CYTH1: variants seen among roughly 807,000 people sequenced by gnomAD.
CYTH1 encodes the protein cytohesin 1, also known as cytohesin-1.
CYTH1 carries 18 observed loss-of-function variants against 61.8 expected under a neutral mutation model. The observed-to-expected ratio is 0.29, with a 90% confidence interval of 0.20 to 0.43. CYTH1 has a LOEUF of 0.43. Among genes scored for constraint, CYTH1 ranks in the 20% least tolerant of loss-of-function variants. The probability of loss-of-function intolerance (pLI) is 1.00; values close to 1 mark genes in which losing one functional copy is unlikely to be tolerated. For missense variants in CYTH1, 336 were observed against 510.5 expected (o/e 0.66, Z 3.29); for synonymous variants, 174 against 184.3 (o/e 0.94, Z 0.45).
At chr17:78,764,622 A>G (rs2093441177) in intron 1 of CYTH1, among the ~76,000 whole-genome samples, 1 of 152,212 alleles carries the variant, frequency 6.6e-6, no homozygotes. Context: ...AAATAATGGA[A>G]GAATGAAATT....
intron 1 of CYTH1, among the ~76,000 whole-genome samples, chr17:78,711,179 G>A (rs1267921716): frequency 3.3e-5 from 5 of 151,456 alleles, no homozygotes; most frequent in South Asian, 2.1e-4. Flanking sequence ...GGAGAATGGC[G>A]TAAACCCGGG....
chr17:78,674,805 AGAGAAC>A lies in CYTH1; in HGVS notation c.*1280_*1285del, dbSNP rs2092680249. 2.0e-5 allele frequency: 3 copies of A among 152,370 alleles called. No homozygotes were observed. Among genetic ancestry groups the A allele is most frequent in the Non-Finnish European group, 4.4e-5 (3 of 68,190 alleles). The allele number at this position is 152,370 out of a possible 1,614,324, so 9.4% of individuals were successfully genotyped here. A position where few individuals can be genotyped will look rare whatever the true frequency, so the allele number is the denominator to read the frequency against. Reference sequence around the variant, plus strand: ...GCAGGAGCTGCCCTGAGAGTCCCTGAGAGAACGGCAGGAAAATGCTGCGTGTCACGG... The same window carrying A: ...GCAGGAGCTGCCCTGAGAGTCCCTGAGGCAGGAAAATGCTGCGTGTCACGG... On this transcript the variant is annotated 3_prime_UTR_variant, in exon 14 of 14. Coordinates refer to ENST00000446868, the MANE Select transcript of CYTH1 (RefSeq NM_004762.6).
Position 78,760,581 on chromosome 17 carries a change from A to G in CYTH1, c.22+21621T>C, listed in dbSNP as rs895378439. On this transcript the variant is annotated intron_variant, in intron 1 of 13. Coordinates refer to ENST00000446868, the MANE Select transcript of CYTH1 (RefSeq NM_004762.6). ...TGTATATATATATACACATACATAT[A>G]TATGTATATATATGTATATATATAG... 5.1e-4 allele frequency among the ~76,000 whole-genome samples: 14 copies of G among 27,192 alleles called. 2 individuals carry two copies. Among genetic ancestry groups the G allele is most frequent in the African/African-American group, 1.2e-3 (11 of 9,062 alleles). 17.8% of individuals were successfully genotyped at this position (27,192 alleles called of 152,430 possible). A position where few individuals can be genotyped will look rare whatever the true frequency, so the allele number is the denominator to read the frequency against.
intron 1 of CYTH1, among the ~76,000 whole-genome samples, chr17:78,755,662 A>C (rs2093397775): frequency 6.6e-6 from 1 of 152,050 alleles, no homozygotes; most frequent in African/African-American, 2.4e-5. Flanking sequence ...AAGGACATGA[A>C]GCGGCGGCCA....
chr17:78,678,105 C>T (rs2092720005), intron 13 of CYTH1: 1 of 152,364 alleles, frequency 6.6e-6, no homozygotes, highest in South Asian at 2.1e-4. Flanking sequence ...CCAGCCCGCT[C>T]CGGGACAGAG....
At chr17:78,698,467 C>A in intron 8 of CYTH1, 87 bp from the exon 9 acceptor site, 1 of 1,111,850 alleles carries the variant, frequency 9.0e-7, no homozygotes, top group African/African-American at 1.6e-5. Flanking sequence ...CACAAGCATT[C>A]ATGTGCCTAT....
At chr17:78,676,239 G>T (rs557298223) in intron 13 of CYTH1, 70 bp from the exon 14 acceptor site, 13 of 1,503,188 alleles carry the variant, frequency 8.6e-6, no homozygotes, top group African/African-American at 8.3e-5. Context: ...CCAGGCAGGG[G>T]ATTCTCAGGG....
At chr17:78,752,026 G>A (rs1037487930) in intron 1 of CYTH1, among the ~76,000 whole-genome samples, 3 of 152,166 alleles carry the variant, frequency 2.0e-5, no homozygotes, top group Non-Finnish European at 4.4e-5. Context: ...GTGAGCCACC[G>A]CGCCCGGCCT....
At chr17:78,681,528 A>G (rs1198471969) in intron 11 of CYTH1, among the ~76,000 whole-genome samples, 1 of 152,128 alleles carries the variant, frequency 6.6e-6, no homozygotes, top group East Asian at 1.9e-4. Context: ...CAATCCTCAG[A>G]GACACTGCCA....
At chr17:78,702,420 C>T (rs2093020744) in intron 4 of CYTH1, 118 bp downstream of exon 4, 3 of 1,166,186 alleles carry the variant, frequency 2.6e-6, no homozygotes, top group South Asian at 2.8e-5. Context: ...ATAACATTTG[C>T]TCTACAAAAC....
At chr17:78,725,536 A>G (rs1349098323) in intron 1 of CYTH1, among the ~76,000 whole-genome samples, 1 of 152,118 alleles carries the variant, frequency 6.6e-6, no homozygotes, top group Admixed American at 6.5e-5. Flanking sequence ...ACATATACAC[A>G]TACACACTCT....
chr17:78,707,882 T>C (rs895093165), intron 3 of CYTH1, among the ~76,000 whole-genome samples: 6 of 152,064 alleles, frequency 3.9e-5, no homozygotes, highest in Non-Finnish European at 7.4e-5. Flanking sequence ...GGTTTCACCA[T>C]GTTGGCCAGG....
rs575126396 is a variant in CYTH1 at position 78,772,950 on chromosome 17, C to T, written c.22+9252G>A. ...GTTCAAGCGATTCTAGTGACTCAGCCTCTTGAGTAGCTGGGATCACAGGCA... is the reference window on the plus strand; with the variant it reads ...GTTCAAGCGATTCTAGTGACTCAGCTTCTTGAGTAGCTGGGATCACAGGCA... On this transcript the variant is annotated intron_variant, in intron 1 of 13. Transcript: ENST00000446868. Among the ~76,000 whole-genome samples the T allele has an allele frequency of 1.1e-4, 16 of 152,276 alleles. No homozygotes were observed. In the East Asian group the frequency reaches 1.7e-3, roughly 16 times the overall value.
intron 1 of CYTH1, among the ~76,000 whole-genome samples, chr17:78,735,969 C>T (rs963898355): frequency 3.9e-5 from 6 of 152,184 alleles, no homozygotes; most frequent in African/African-American, 9.7e-5. Flanking sequence ...GAAGGCACAG[C>T]TTGTCATCCC....
chr17:78,692,947 G>A (rs1014186581), intron 10 of CYTH1, among the ~76,000 whole-genome samples: 1 of 152,132 alleles, frequency 6.6e-6, no homozygotes, highest in Admixed American at 6.5e-5. Flanking sequence ...GAAGGAAGGA[G>A]GAAGCAGGAG....
intron 1 of CYTH1, among the ~76,000 whole-genome samples, chr17:78,781,587 G>A (rs1162595995): frequency 2.0e-5 from 3 of 152,132 alleles, no homozygotes; most frequent in African/African-American, 7.2e-5. Context: ...GACTCCCGCG[G>A]GCAGGGCCGT....
intron 1 of CYTH1, among the ~76,000 whole-genome samples, chr17:78,715,455 G>A (rs780426588): frequency 5.3e-5 from 8 of 152,118 alleles, no homozygotes; most frequent in East Asian, 1.9e-4. Context: ...GACAGCAAGC[G>A]CCATCAACTG....
chr17:78,760,517 GTATATATATATATACATACATATATA>G (rs2093422976), intron 1 of CYTH1, among the ~76,000 whole-genome samples: 2 of 29,654 alleles, frequency 6.7e-5, no homozygotes, highest in Admixed American at 3.6e-4. Flanking sequence ...GTATATATAT[GTATATATATATATACATACATATATA>G]TGTATATATA....
intron 3 of CYTH1, among the ~76,000 whole-genome samples, chr17:78,707,974 C>T (rs577837967): frequency 3.3e-5 from 5 of 152,246 alleles, no homozygotes; most frequent in South Asian, 4.1e-4. Context: ...CCACCGCGCC[C>T]GGCCTCCAGT....
Sources: gnomAD v4.1 joint callset for allele counts (sites outside exome capture counted in the v4.1 genomes callset) on GRCh38, gnomAD v4.1.1 for gene constraint, MANE v1.5 for transcripts, NCBI Gene and HGNC (gene_info 2026-07-23, HGNC 2026-07-21) for gene names.